PPM1L: variants seen among roughly 807,000 people sequenced by gnomAD.
PPM1L encodes protein phosphatase 1L.
A neutral mutation model predicts 31.4 loss-of-function variants in PPM1L; 13 were observed. The observed-to-expected ratio is 0.41, with a 90% CI of 0.27 to 0.66. The LOEUF (loss-of-function observed/expected upper bound fraction) is 0.66, where lower values mean the gene tolerates loss of function less well. PPM1L is among the 30% of genes least tolerant of loss of function. The pLI, the probability that PPM1L is intolerant of heterozygous loss-of-function variation, is 0.29. For missense variants in PPM1L, 326 were observed against 453.7 expected, an observed-to-expected ratio of 0.72 and a Z score of 2.56; for synonymous variants, 184 against 175.4, an observed-to-expected ratio of 1.05 and a Z score of -0.39.
intron 2 of PPM1L, among the ~76,000 whole-genome samples, chr3:160,980,172 T>A (rs1716747021): frequency 6.6e-6 from 1 of 152,116 alleles, no homozygotes; most frequent in African/African-American, 2.4e-5. Flanking sequence ...GTTGGTTGCC[T>A]CTGCTTCATC....
At chr3:160,965,711 C>T (rs2108111585) in intron 2 of PPM1L, among the ~76,000 whole-genome samples, 1 of 152,118 alleles carries the variant, frequency 6.6e-6, no homozygotes, top group Admixed American at 6.6e-5. Context: ...AACTGTTTAG[C>T]TTCTTTCTAT....
intron 2 of PPM1L, among the ~76,000 whole-genome samples, chr3:161,006,268 G>A (rs998373078): frequency 6.6e-6 from 1 of 152,152 alleles, no homozygotes; most frequent in Non-Finnish European, 1.5e-5. Flanking sequence ...GACAAATACT[G>A]TATGAGTCTA....
chr3:160,777,795 C>T (rs1711604746), intron 1 of PPM1L, among the ~76,000 whole-genome samples: 1 of 152,148 alleles, frequency 6.6e-6, no homozygotes, highest in African/African-American at 2.4e-5. Flanking sequence ...GCTTATACCT[C>T]TTGGCTATTG....
At chr3:161,010,575 T>A (rs1021784909) in intron 2 of PPM1L, among the ~76,000 whole-genome samples, 4 of 152,196 alleles carry the variant, frequency 2.6e-5, no homozygotes, top group Non-Finnish European at 4.4e-5. Context: ...TATTTCTAGT[T>A]CTAGATCCTT....
chr3:160,827,774 G>T lies in PPM1L; in HGVS notation c.399+71067G>T, dbSNP rs549233494. 3.3e-5 allele frequency among the ~76,000 whole-genome samples: 5 copies of T among 152,160 alleles called. No individual in the cohort carries two copies. The East Asian group carries it at 9.7e-4, about 29-fold the overall frequency. On this transcript the variant is annotated intron_variant, in intron 1 of 3. Coordinates refer to ENST00000498165, the MANE Select transcript of PPM1L (RefSeq NM_139245.4). ...GGGTATATTAGGCCATTCTTGCATT[G>T]TGATAAAGGAATACTGGAGGCTAGG...
chr3:160,970,435 AC>A (rs555490859), intron 2 of PPM1L, among the ~76,000 whole-genome samples: 1 of 144,106 alleles, frequency 6.9e-6, no homozygotes, highest in African/African-American at 2.5e-5. Flanking sequence ...AATCTTTTTA[AC>A]CAAGCTGAAT....
At chr3:160,825,206 T>C (rs1296911482) in intron 1 of PPM1L, among the ~76,000 whole-genome samples, 2 of 152,118 alleles carry the variant, frequency 1.3e-5, no homozygotes, top group Non-Finnish European at 2.9e-5. Context: ...AATGGAGTAA[T>C]TTCTATTTGT....
At chr3:160,954,915 CCTTCCTT>C in intron 1 of PPM1L, among the ~76,000 whole-genome samples, 2 of 126,088 alleles carry the variant, frequency 1.6e-5, no homozygotes, top group Admixed American at 8.4e-5. Flanking sequence ...TTCCTTCCTT[CCTTCCTT>C]CTTTCCTTCC....
intron 1 of PPM1L, among the ~76,000 whole-genome samples, chr3:160,938,831 C>G (rs1715064004): frequency 6.6e-6 from 1 of 152,142 alleles, no homozygotes; most frequent in South Asian, 2.1e-4. Context: ...AGGACTCCTT[C>G]CAGAAGTTGG....
At chr3:160,940,588 A>G (rs371268811) in intron 1 of PPM1L, among the ~76,000 whole-genome samples, 196 of 152,330 alleles carry the variant, frequency 1.3e-3, no homozygotes, top group African/African-American at 4.5e-3. Context: ...TGGAAGCCCC[A>G]AGCCTTGGCA....
At chr3:161,068,400 T>G (rs775892930) in intron 3 of PPM1L, among the ~76,000 whole-genome samples, 7 of 152,166 alleles carry the variant, frequency 4.6e-5, no homozygotes, top group Non-Finnish European at 7.3e-5. Flanking sequence ...TAGGCACACT[T>G]ATGAGTGGCC....
Position 161,038,588 on chromosome 3 carries a change from A to C in PPM1L, c.575-26815A>C, listed in dbSNP as rs942182377. Among the ~76,000 whole-genome samples the C allele has an allele frequency of 1.4e-3, 38 of 27,120 alleles. 1 individual carries two copies. In the East Asian group the frequency reaches 0.16, roughly 112 times the overall value. 17.8% of individuals were successfully genotyped at this position (27,120 alleles called of 152,430 possible). On this transcript the variant is annotated intron_variant, in intron 2 of 3. Coordinates refer to ENST00000498165, the MANE Select transcript of PPM1L (RefSeq NM_139245.4). Reference sequence around the variant, plus strand: ...CCCAAAATGCTGGGATTTGTTTTAAAAAAAAAAAAAAAAAAAAAAAAAAAG... The same window carrying C: ...CCCAAAATGCTGGGATTTGTTTTAACAAAAAAAAAAAAAAAAAAAAAAAAG...
chr3:161,044,359 T>C (rs1433445875), intron 2 of PPM1L, among the ~76,000 whole-genome samples: 1 of 126,568 alleles, frequency 7.9e-6, no homozygotes, highest in Non-Finnish European at 1.7e-5. Context: ...TTTATTTATT[T>C]ATTTATTTAT....
At chr3:161,015,937 G>A in intron 2 of PPM1L, among the ~76,000 whole-genome samples, 1 of 152,090 alleles carries the variant, frequency 6.6e-6, no homozygotes, top group East Asian at 1.9e-4. Context: ...CTTAAAAAGT[G>A]AGGAGTGCCC....
intron 1 of PPM1L, among the ~76,000 whole-genome samples, chr3:160,773,751 T>C (rs1553804815): frequency 6.6e-6 from 1 of 152,214 alleles, no homozygotes; most frequent in Non-Finnish European, 1.5e-5. Context: ...TTTGAAGATC[T>C]CTAGGAGCCT....
chr3:160,831,722 G>A (rs1713531959), intron 1 of PPM1L, among the ~76,000 whole-genome samples: 1 of 152,192 alleles, frequency 6.6e-6, no homozygotes, highest in East Asian at 1.9e-4. Flanking sequence ...GAAACTGTGA[G>A]CAGAGTTGTA....
chr3:161,017,353 T>A (rs1189417630), intron 2 of PPM1L, among the ~76,000 whole-genome samples: 1 of 152,202 alleles, frequency 6.6e-6, no homozygotes, highest in Non-Finnish European at 1.5e-5. Context: ...GTGTCATATT[T>A]TTGTTTAGAC....
At chr3:160,924,329 G>A (rs1171521769) in intron 1 of PPM1L, among the ~76,000 whole-genome samples, 3 of 152,132 alleles carry the variant, frequency 2.0e-5, no homozygotes, top group Non-Finnish European at 4.4e-5. Context: ...AAGCAGTGTG[G>A]GTAATAGTTA....
intron 1 of PPM1L, among the ~76,000 whole-genome samples, chr3:160,807,871 C>T (rs978488740): frequency 2.0e-4 from 30 of 150,656 alleles, no homozygotes; most frequent in Non-Finnish European, 2.7e-4. Flanking sequence ...GGGTAGTAGA[C>T]ATTTGGTTTA....
Sources: gnomAD v4.1 joint callset for allele counts (sites outside exome capture counted in the v4.1 genomes callset) on GRCh38, gnomAD v4.1.1 for gene constraint, MANE v1.5 for transcripts, NCBI Gene and HGNC (gene_info 2026-07-23, HGNC 2026-07-21) for gene names.